Variants in FAM219A observed in about 807,000 individuals in gnomAD.
The protein encoded by FAM219A is protein FAM219A.
Under a neutral mutation model 23.4 loss-of-function variants are expected in FAM219A, and 7 were observed. The ratio of observed to expected loss-of-function variants is 0.30; its 90% confidence interval spans 0.17 to 0.56. The LOEUF is 0.56. Among genes scored for constraint, FAM219A ranks in the 20% least tolerant of loss-of-function variants. FAM219A has a pLI of 0.92. For synonymous variants in FAM219A, 93 were observed against 99.0 expected (o/e 0.94, Z 0.36); for missense variants, 166 against 246.9 (o/e 0.67, Z 2.20).
intron 1 of FAM219A, among the ~76,000 whole-genome samples, chr9:34,433,773 T>A (rs1209344260): frequency 6.6e-6 from 1 of 152,174 alleles, no homozygotes. Context: ...TTAAAAAAAA[T>A]CTGTATTGGT....
chr9:34,411,719 T>A (rs1588037753), intron 1 of FAM219A, among the ~76,000 whole-genome samples: 1 of 148,132 alleles, frequency 6.8e-6, no homozygotes, highest in South Asian at 2.2e-4. Flanking sequence ...AAGAAAACAG[T>A]CCCATCTTTA....
chr9:34,450,756 C>T (rs995103027), intron 1 of FAM219A, among the ~76,000 whole-genome samples: 1 of 152,166 alleles, frequency 6.6e-6, no homozygotes, highest in East Asian at 1.9e-4. Context: ...GTATTGTTCT[C>T]GATAGATGGG....
chr9:34,451,369 AC>A (rs982110130), intron 1 of FAM219A, among the ~76,000 whole-genome samples: 193 of 152,068 alleles, frequency 1.3e-3, no homozygotes, highest in African/African-American at 4.4e-3. Flanking sequence ...ATGACTTGGG[AC>A]CCTGCTGAGC....
chr9:34,423,178 GC>G (rs1822342013), intron 1 of FAM219A, among the ~76,000 whole-genome samples: 1 of 152,010 alleles, frequency 6.6e-6, no homozygotes, highest in South Asian at 2.1e-4. Flanking sequence ...CAATAATAAG[GC>G]CCCTGCCCAT....
chr9:34,403,250 G>A (rs369833790), intron 2 of FAM219A, among the ~76,000 whole-genome samples: 1 of 152,162 alleles, frequency 6.6e-6, no homozygotes, highest in East Asian at 1.9e-4. Flanking sequence ...TGGATAGAGG[G>A]GTGAAGAGAG....
chr9:34,455,553 ACCTCCTGGGCTCAAGCAAT>A (rs1265420662), intron 1 of FAM219A, among the ~76,000 whole-genome samples: 1 of 150,614 alleles, frequency 6.6e-6, no homozygotes, highest in African/African-American at 2.4e-5. Context: ...TGCAGCCTCA[ACCTCCTGGGCTCAAGCAAT>A]CCTCCTGCCT....
Position 34,400,683 on chromosome 9 carries a change from G to T in FAM219A, c.*281C>A. On this transcript the variant is annotated 3_prime_UTR_variant, in exon 6 of 6. Coordinates refer to ENST00000651358, the MANE Select transcript of FAM219A (RefSeq NM_001184940.2). The stretch of plus-strand genomic sequence containing the variant: ...CTCTCTTGGCCAGCCCTGGGAAGCG[G>T]GGCAGGGTGCTGGGTGAGGTTCCCC... 3.0e-6 allele frequency: 1 copy of T among 331,168 alleles called. No individual in the cohort carries two copies. Among genetic ancestry groups the T allele is most frequent in the Non-Finnish European group, 5.5e-6 (1 of 181,830 alleles). The allele number at this position is 331,168 out of a possible 1,614,324, so 20.5% of individuals were successfully genotyped here.
chr9:34,432,903 G>T lies in FAM219A; in HGVS notation c.60+25301C>A, dbSNP rs184934776. ...TAAAGAGATAGTGTCTCACAATGTTGCCCACACTAGTCTTGAACTCCTGGC... is the reference window on the plus strand; with the variant it reads ...TAAAGAGATAGTGTCTCACAATGTTTCCCACACTAGTCTTGAACTCCTGGC... On this transcript the variant is annotated intron_variant, in intron 1 of 5. Transcript: ENST00000651358. Among the ~76,000 whole-genome samples the T allele has an allele frequency of 9.9e-5, 15 of 152,244 alleles. No individual in the cohort carries two copies. In the East Asian group the frequency reaches 2.3e-3, roughly 23 times the overall value.
chr9:34,453,079 G>A (rs1823613010), intron 1 of FAM219A, among the ~76,000 whole-genome samples: 2 of 152,110 alleles, frequency 1.3e-5, no homozygotes, highest in Admixed American at 6.5e-5. Flanking sequence ...TGTAATATAG[G>A]GCAGGAAAGA....
chr9:34,437,396 C>T (rs975287422), intron 1 of FAM219A, among the ~76,000 whole-genome samples: 3 of 152,194 alleles, frequency 2.0e-5, no homozygotes, highest in African/African-American at 7.2e-5. Flanking sequence ...GGTTGAATTC[C>T]ATCCCCAGTG....
At chr9:34,453,149 C>A (rs1421298064) in intron 1 of FAM219A, among the ~76,000 whole-genome samples, 2 of 152,288 alleles carry the variant, frequency 1.3e-5, no homozygotes, top group East Asian at 3.9e-4. Flanking sequence ...CATGGATCCA[C>A]TAGGAGAATC....
intron 1 of FAM219A, among the ~76,000 whole-genome samples, chr9:34,429,351 G>A (rs1822605244): frequency 6.6e-6 from 1 of 152,316 alleles, no homozygotes; most frequent in African/African-American, 2.4e-5. Context: ...AGCAGGGCTG[G>A]TTGAGAGGAA....
At chr9:34,401,561 C>CCCAG in intron 5 of FAM219A, 105 bp downstream of exon 5, 1 of 1,360,114 alleles carries the variant, frequency 7.4e-7, no homozygotes, top group Non-Finnish European at 1.0e-6. Context: ...CCCAGCCTTG[C>CCCAG]CCAGCCCTCT....
intron 1 of FAM219A, among the ~76,000 whole-genome samples, chr9:34,426,541 T>C (rs1438111240): frequency 6.6e-6 from 1 of 152,230 alleles, no homozygotes; most frequent in East Asian, 1.9e-4. Flanking sequence ...GGCCTCACAG[T>C]GCCTGGAGCA....
rs1821362582 is a variant in FAM219A at position 34,399,985 on chromosome 9, A to T, written c.*979T>A. ...CCCCCTGACAGCCTCAGAGATACAC[A>T]CACATTCTGCTAAGCACTCCCTACC... On this transcript the variant is annotated 3_prime_UTR_variant, in exon 6 of 6. Transcript: ENST00000651358. The T allele has an allele frequency of 6.6e-6, 1 of 152,534 alleles. No homozygotes were observed. The allele number at this position is 152,534 out of a possible 1,614,324, so 9.4% of individuals were successfully genotyped here.
chr9:34,429,774 A>G (rs1445127686), intron 1 of FAM219A, among the ~76,000 whole-genome samples: 1 of 152,166 alleles, frequency 6.6e-6, no homozygotes, highest in Non-Finnish European at 1.5e-5. Flanking sequence ...TAAATTAAGT[A>G]TATTCCTATT....
chr9:34,435,784 T>G (rs1175117407), intron 1 of FAM219A, among the ~76,000 whole-genome samples: 2 of 151,912 alleles, frequency 1.3e-5, no homozygotes, highest in African/African-American at 4.8e-5. Context: ...ATTTATTAAA[T>G]CAGTCCTCCC....
At chr9:34,431,376 A>G (rs898817992) in intron 1 of FAM219A, among the ~76,000 whole-genome samples, 1 of 152,144 alleles carries the variant, frequency 6.6e-6, no homozygotes, top group African/African-American at 2.4e-5. Context: ...GGACACACAC[A>G]CAAACTCACA....
chr9:34,435,721 A>G (rs940994555), intron 1 of FAM219A, among the ~76,000 whole-genome samples: 1 of 152,184 alleles, frequency 6.6e-6, no homozygotes, highest in Non-Finnish European at 1.5e-5. Context: ...TTAGATTTAC[A>G]TCCTCCTTTT....
Sources: gnomAD v4.1 joint callset for allele counts (sites outside exome capture counted in the v4.1 genomes callset) on GRCh38, gnomAD v4.1.1 for gene constraint, MANE v1.5 for transcripts, NCBI Gene and HGNC (gene_info 2026-07-23, HGNC 2026-07-21) for gene names.